The following SCN4B variants were observed in gnomAD, a reference collection of about 807,000 sequenced individuals.
SCN4B encodes the protein sodium voltage-gated channel beta subunit 4.
SCN4B carries 20 observed loss-of-function variants against 19.6 expected under a neutral mutation model. The observed-to-expected ratio is 1.02, with a 90% CI of 0.72 to 1.48. The LOEUF (loss-of-function observed/expected upper bound fraction) is 1.48. SCN4B is among the 40% of genes most tolerant of loss of function. The pLI is 0.00. For synonymous variants in SCN4B, 127 were observed against 122.8 expected, an observed-to-expected ratio of 1.03 and a Z score of -0.22; for missense variants, 271 against 287.5, an observed-to-expected ratio of 0.94 and a Z score of 0.42.
At chr11:118,141,516 T>C (rs1226868105) in intron 3 of SCN4B, 180 bp from the exon 4 acceptor site, 3 of 694,732 alleles carry the variant, frequency 4.3e-6, no homozygotes, top group Non-Finnish European at 7.5e-6. Context: ...AGGCAGAGCA[T>C]GGCATCTATC....
intron 4 of SCN4B, among the ~76,000 whole-genome samples, chr11:118,138,041 G>A (rs1387569443): frequency 6.6e-6 from 1 of 152,116 alleles, no homozygotes; most frequent in African/African-American, 2.4e-5. Context: ...CTCCCGGGAG[G>A]CGTTCCACCC....
Position 118,136,037 on chromosome 11 carries a change from TGG to T in SCN4B, c.*988_*989del, listed in dbSNP as rs5795117. On this transcript the variant is annotated 3_prime_UTR_variant, in exon 5 of 5. Coordinates refer to ENST00000324727, the MANE Select transcript of SCN4B (RefSeq NM_174934.4). ...GGGCAGGGCGTGATGGAGGGCACGGTGGGGGGGGGGGAGCGAGCCAATGGGAG... is the reference window on the plus strand; with the variant it reads ...GGGCAGGGCGTGATGGAGGGCACGGTGGGGGGGGGAGCGAGCCAATGGGAG... 3.9e-3 allele frequency: 1,340 copies of T among 347,822 alleles called. No individual in the cohort carries two copies. Among genetic ancestry groups the T allele is most frequent in the Middle Eastern group, 7.4e-3 (8 of 1,088 alleles). The allele number at this position is 347,822 out of a possible 1,614,324, so 21.5% of individuals were successfully genotyped here.
intron 1 of SCN4B, among the ~76,000 whole-genome samples, chr11:118,149,334 G>C (rs138802716): frequency 6.6e-6 from 1 of 152,296 alleles, no homozygotes; most frequent in Non-Finnish European, 1.5e-5. Flanking sequence ...GGGCTTGCTG[G>C]CATGGCAAGT....
chr11:118,149,641 A>G (rs1322129351), intron 1 of SCN4B, among the ~76,000 whole-genome samples: 1 of 152,224 alleles, frequency 6.6e-6, no homozygotes, highest in Non-Finnish European at 1.5e-5. Flanking sequence ...TGGGATGCTC[A>G]GTGAAACCAG....
chr11:118,141,655 C>T, intron 3 of SCN4B: 2 of 408,276 alleles, frequency 4.9e-6, no homozygotes, highest in Non-Finnish European at 9.0e-6. Flanking sequence ...GTGACTTGAT[C>T]CCCAAATTGC....
rs746582462 is a variant in SCN4B at position 118,134,575 on chromosome 11, T to C, written c.*2452A>G. 1 of 454,110 alleles carries C rather than the reference T, an allele frequency of 2.2e-6. No homozygotes were observed. The highest frequency in any genetic ancestry group is 1.6e-5 in the South Asian group (1 of 64,472). 28.1% of individuals were successfully genotyped at this position (454,110 alleles called of 1,614,324 possible). The stretch of plus-strand genomic sequence containing the variant: ...TGCCCCCCCTACAATCTCAGTCACC[T>C]CTATTGAAAACCATCAAACAAAAGC... On this transcript the variant is annotated 3_prime_UTR_variant, in exon 5 of 5. Transcript: ENST00000324727.
rs28675746 is a variant in SCN4B at position 118,136,041 on chromosome 11, G to C, written c.*986C>G. The C allele has an allele frequency of 0.093, 40,774 of 436,286 alleles. 5,237 individuals carry two copies. The highest frequency in any genetic ancestry group is 0.41 in the East Asian group (5,725 of 13,922). The allele number at this position is 436,286 out of a possible 1,614,324, so 27.0% of individuals were successfully genotyped here. ...AGGGCGTGATGGAGGGCACGGTGGGGGGGGGGGAGCGAGCCAATGGGAGGT... is the reference window on the plus strand; with the variant it reads ...AGGGCGTGATGGAGGGCACGGTGGGCGGGGGGGAGCGAGCCAATGGGAGGT... On this transcript the variant is annotated 3_prime_UTR_variant, in exon 5 of 5. Transcript: ENST00000324727.
Position 118,134,947 on chromosome 11 carries a change from C to A in SCN4B, c.*2080G>T, listed in dbSNP as rs375933863. The A allele has an allele frequency of 4.3e-4, 196 of 454,084 alleles. 2 individuals carry two copies. The highest frequency in any genetic ancestry group is 3.0e-3 in the South Asian group (192 of 64,476). The allele number at this position is 454,084 out of a possible 1,614,324, so 28.1% of individuals were successfully genotyped here. On this transcript the variant is annotated 3_prime_UTR_variant, in exon 5 of 5. Coordinates refer to ENST00000324727, the MANE Select transcript of SCN4B (RefSeq NM_174934.4). ...GATCCATCTAGAAATCAGCAGTAGACCCTGGGGAGGAAAGAGAGGATGGTG... is the reference window on the plus strand; with the variant it reads ...GATCCATCTAGAAATCAGCAGTAGAACCTGGGGAGGAAAGAGAGGATGGTG...
At chr11:118,145,534 C>T in intron 1 of SCN4B, 1 of 1,229,944 alleles carries the variant, frequency 8.1e-7, no homozygotes, top group Non-Finnish European at 1.1e-6. Flanking sequence ...GCGAACCGCG[C>T]CCCGGCTCCG....
Position 118,136,040 on chromosome 11 carries a change from G to T in SCN4B, c.*987C>A, listed in dbSNP as rs559032799. ...CAGGGCGTGATGGAGGGCACGGTGG[G>T]GGGGGGGGAGCGAGCCAATGGGAGG... On this transcript the variant is annotated 3_prime_UTR_variant, in exon 5 of 5. Coordinates refer to ENST00000324727, the MANE Select transcript of SCN4B (RefSeq NM_174934.4). 5.7e-5 allele frequency: 25 copies of T among 434,952 alleles called. No homozygotes were observed. The highest frequency in any genetic ancestry group is 7.4e-4 in the Middle Eastern group (1 of 1,358). 26.9% of individuals were successfully genotyped at this position (434,952 alleles called of 1,614,324 possible). A position where few individuals can be genotyped will look rare whatever the true frequency, so the allele number is the denominator to read the frequency against.
At chr11:118,151,735 C>T (rs1372689113) in intron 1 of SCN4B, among the ~76,000 whole-genome samples, 3 of 152,206 alleles carry the variant, frequency 2.0e-5, no homozygotes, top group Non-Finnish European at 4.4e-5. Flanking sequence ...GGAAGAGATG[C>T]CGTTGCCAGA....
At position 118,148,629 on chromosome 11, in the gene SCN4B, C is replaced by T. The variant is rs950604878; in HGVS notation, c.62-3400G>A. Among the ~76,000 whole-genome samples, 7 of 152,144 alleles carry T rather than the reference C, an allele frequency of 4.6e-5. No individual in the cohort carries two copies. Among genetic ancestry groups the T allele is most frequent in the Admixed American group, 3.3e-4 (5 of 15,276 alleles). ...CAAGAGGGGCCGCCGTGAGTGGGCACCCTGCAGGTAGAGGAGGGTGGTATT... is the reference window on the plus strand; with the variant it reads ...CAAGAGGGGCCGCCGTGAGTGGGCATCCTGCAGGTAGAGGAGGGTGGTATT... On this transcript the variant is annotated intron_variant, in intron 1 of 4. Transcript: ENST00000324727. The surrounding 1 kb of genome is among the most constrained non-coding windows in gnomAD (Gnocchi z 4.0).
At chr11:118,144,918 G>T in intron 2 of SCN4B, 139 bp downstream of exon 2, 1 of 846,154 alleles carries the variant, frequency 1.2e-6, no homozygotes, top group Non-Finnish European at 2.0e-6. Context: ...GCTCTGAAAA[G>T]AATACTGGGA....
At chr11:118,144,159 C>T (rs1948138166) in intron 2 of SCN4B, 98 bp from the exon 3 acceptor site, 5 of 811,968 alleles carry the variant, frequency 6.2e-6, no homozygotes, top group South Asian at 5.5e-5. Context: ...TGGATGCCTC[C>T]CCTGTCCAGG....
intron 1 of SCN4B, 127 bp from the exon 2 acceptor site, chr11:118,145,356 G>A (rs773984348): frequency 2.9e-5 from 45 of 1,542,334 alleles, no homozygotes; most frequent in Non-Finnish European, 2.6e-6. Flanking sequence ...TGCCAACCTC[G>A]GGAGGATGGC....
chr11:118,141,727 C>T (rs1296695056), intron 3 of SCN4B: 1 of 280,882 alleles, frequency 3.6e-6, no homozygotes, highest in South Asian at 3.9e-5. Flanking sequence ...AATTAAGAAC[C>T]TCCCTATGAT....
chr11:118,145,028 G>A, intron 2 of SCN4B, 29 bp downstream of exon 2: 1 of 1,608,380 alleles, frequency 6.2e-7, no homozygotes, highest in Non-Finnish European at 8.5e-7. Flanking sequence ...GGGAGGCTGG[G>A]CTGTACTGTT....
chr11:118,146,123 C>G (rs1466324547), intron 1 of SCN4B, among the ~76,000 whole-genome samples: 1 of 151,966 alleles, frequency 6.6e-6, no homozygotes, highest in Non-Finnish European at 1.5e-5. Flanking sequence ...GCCCTGCAGC[C>G]CGGCCTTCTC....
intron 2 of SCN4B, among the ~76,000 whole-genome samples, 161 bp downstream of exon 2, chr11:118,144,896 C>A (rs1948149049): frequency 6.6e-6 from 1 of 152,176 alleles, no homozygotes; most frequent in African/African-American, 2.4e-5. Context: ...CCAGTTACAT[C>A]CTTCCTGGCA....
Sources: gnomAD v4.1 joint callset for allele counts (sites outside exome capture counted in the v4.1 genomes callset) on GRCh38, gnomAD v4.1.1 for gene constraint, Gnocchi (gnomAD v3.1) non-coding constraint, MANE v1.5 for transcripts, NCBI Gene and HGNC (gene_info 2026-07-23, HGNC 2026-07-21) for gene names.